The following ASH1L variants were observed in gnomAD, a reference collection of about 807,000 sequenced individuals.
ASH1L encodes histone-lysine N-methyltransferase ASH1L.
In ASH1L, 23 loss-of-function variants were observed where a neutral mutation model predicts 269.0. That is an observed-to-expected ratio of 0.09 (90% CI 0.06 to 0.12). The LOEUF is 0.12. Among genes scored for constraint, ASH1L ranks in the 10% least tolerant of loss-of-function variants. The pLI, the probability that ASH1L is intolerant of heterozygous loss-of-function variation, is 1.00. For missense variants in ASH1L, 2,912 were observed against 3,567.8 expected (o/e 0.82, Z 4.68); for synonymous variants, 1,187 against 1,253.5 (o/e 0.95, Z 1.12).
At chr1:155,386,894 C>T (rs900314372) in intron 7 of ASH1L, among the ~76,000 whole-genome samples, 2 of 152,066 alleles carry the variant, frequency 1.3e-5, no homozygotes, top group Non-Finnish European at 2.9e-5. Context: ...TTGGCATCGT[C>T]ATGAAGTCTT....
chr1:155,390,141 C>G lies in ASH1L; in HGVS notation c.6103+5318G>C, dbSNP rs1313518587. ...TATTAGGCCAGGTGTGGTGGCTTAC[C>G]AGTATCCAAAATAAAAAAAGTTGAT... On this transcript the variant is annotated intron_variant, in intron 7 of 27. Coordinates refer to ENST00000392403, the MANE Select transcript of ASH1L (RefSeq NM_018489.3). Among the ~76,000 whole-genome samples, 4 of 151,908 alleles carry G rather than the reference C, an allele frequency of 2.6e-5. No homozygotes were observed. In the East Asian group the frequency reaches 7.7e-4, roughly 29 times the overall value.
intron 12 of ASH1L, among the ~76,000 whole-genome samples, chr1:155,364,085 A>G (rs951809736): frequency 6.6e-6 from 1 of 151,816 alleles, no homozygotes; most frequent in African/African-American, 2.4e-5. Context: ...CTTGAGCCCA[A>G]GAGTTTGAGA....
chr1:155,428,266 C>G (rs1294222786), intron 5 of ASH1L, among the ~76,000 whole-genome samples: 1 of 151,934 alleles, frequency 6.6e-6, no homozygotes, highest in Non-Finnish European at 1.5e-5. Context: ...TGGTGAAACC[C>G]CGTCTCTACT....
chr1:155,345,113 C>T (rs533592780), intron 21 of ASH1L, among the ~76,000 whole-genome samples: 7 of 151,290 alleles, frequency 4.6e-5, no homozygotes, highest in South Asian at 2.1e-4. Context: ...CGCAACACCA[C>T]GCCCAGCTAA....
At chr1:155,381,189 T>C (rs1344743822) in intron 7 of ASH1L, among the ~76,000 whole-genome samples, 2 of 152,198 alleles carry the variant, frequency 1.3e-5, no homozygotes, top group Non-Finnish European at 2.9e-5. Context: ...TGATAAAATG[T>C]CTTTGTTGCT....
At chr1:155,503,461 G>C (rs1571002664) in intron 2 of ASH1L, among the ~76,000 whole-genome samples, 1 of 152,096 alleles carries the variant, frequency 6.6e-6, no homozygotes, top group Non-Finnish European at 1.5e-5. Flanking sequence ...TTAGGACTTG[G>C]CTGTTAAAAA....
Position 155,562,443 on chromosome 1 carries a change from G to GGCAGCA in ASH1L, c.-396_-391dup, listed in dbSNP as rs1182467771. 11 of 1,450,586 alleles carry GGCAGCA rather than the reference G, an allele frequency of 7.6e-6. No individual in the cohort carries two copies. The highest frequency in any genetic ancestry group is 1.0e-5 in the Non-Finnish European group (11 of 1,067,868). 89.9% of individuals were successfully genotyped at this position (1,450,586 alleles called of 1,614,324 possible). ...CGGCGGGAGCGGCGGCGGCGGCGGC[G>GGCAGCA]GCAGCAGCAGAGTGGCGGCGGTGGC... On this transcript the variant is annotated 5_prime_UTR_variant, in exon 1 of 28. Coordinates refer to ENST00000392403, the MANE Select transcript of ASH1L (RefSeq NM_018489.3).
chr1:155,436,796 A>G (rs544715634), intron 5 of ASH1L, among the ~76,000 whole-genome samples: 9 of 152,038 alleles, frequency 5.9e-5, no homozygotes, highest in Non-Finnish European at 1.3e-4. Context: ...CGCCTGGCCA[A>G]GAGTTTCTGG....
chr1:155,495,547 A>G (rs1667089407), intron 2 of ASH1L, among the ~76,000 whole-genome samples: 1 of 152,222 alleles, frequency 6.6e-6, no homozygotes, highest in African/African-American at 2.4e-5. Context: ...GGTACTTATC[A>G]TGAATGGAGC....
In ASH1L at chr1:155,521,101, C is replaced by A. The variant is rs368390442; in HGVS notation, c.419G>T (p.Arg140Leu). The A allele has an allele frequency of 1.3e-6, 2 of 1,584,518 alleles. No homozygotes were observed. The highest frequency in any genetic ancestry group is 1.7e-6 in the Non-Finnish European group (2 of 1,169,058). ...DEKNEHCPSK[R>L]DPSKLYKKAD... ...CATATTGTTAGGAATTCTACTTACT[C>A]GTTTTGAAGGACAGTGTTCATTCTT... Residue 140 changes from arginine to leucine, a missense_variant and splice_region_variant, in exon 2 of 28, where the codon CGA becomes CTA. Physicochemically the swap from Arg to Leu is moderately radical, Grantham distance 102. This residue lies in a region of ASH1L where 277 missense variants were observed against 367.7 expected (regional missense o/e 0.75). Transcript: ENST00000392403.
chr1:155,556,902 G>C (rs554173222), intron 1 of ASH1L, among the ~76,000 whole-genome samples: 42 of 152,266 alleles, frequency 2.8e-4, no homozygotes, highest in South Asian at 2.1e-4. Context: ...TTAGCCAGGC[G>C]TGGTGGCATG....
intron 1 of ASH1L, among the ~76,000 whole-genome samples, chr1:155,547,816 C>A (rs1031489782): frequency 2.6e-5 from 4 of 151,748 alleles, no homozygotes; most frequent in African/African-American, 7.3e-5. Flanking sequence ...ACTAAAAATA[C>A]AAAAAAATTA....
intron 7 of ASH1L, among the ~76,000 whole-genome samples, chr1:155,394,828 T>G (rs1658216799): frequency 6.6e-6 from 1 of 152,202 alleles, no homozygotes; most frequent in Admixed American, 6.5e-5. Context: ...TATGTGTGTA[T>G]AAATCATCTA....
chr1:155,532,167 T>C (rs1356475360), intron 1 of ASH1L, among the ~76,000 whole-genome samples: 1 of 152,246 alleles, frequency 6.6e-6, no homozygotes, highest in African/African-American at 2.4e-5. Context: ...TTGGGATTTA[T>C]GTTTTCAAAT....
chr1:155,383,578 T>C (rs368129983), intron 7 of ASH1L, among the ~76,000 whole-genome samples: 1 of 152,272 alleles, frequency 6.6e-6, no homozygotes, highest in Non-Finnish European at 1.5e-5. Flanking sequence ...ATATTCTGTT[T>C]GCATAATTAT....
rs76885535 is a variant in ASH1L, at chr1:155,384,278, C to T, written c.6104-4162G>A. Among the ~76,000 whole-genome samples the T allele has an allele frequency of 3.6e-4, 55 of 152,106 alleles. 4 individuals are homozygous for T. In the East Asian group the frequency reaches 0.01, roughly 28 times the overall value. ...TTAGTTTTCCTTAATCTAAGAATGC[C>T]TTCATTTCTTCTTAATTCCTGACAG... On this transcript the variant is annotated intron_variant, in intron 7 of 27. Coordinates refer to ENST00000392403, the MANE Select transcript of ASH1L (RefSeq NM_018489.3).
In ASH1L at chr1:155,380,074, T is replaced by C. The variant is rs1385335720; in HGVS notation, c.6146A>G (p.Tyr2049Cys). ...GTGTTTCCACTGCCAAAGGATATCA[T>C]AAGGAAGCTGGAAGTCAATTCTCTT... ...RQKRIDFQLP[Y>C]DILWQWKHNQ... is the part of the protein sequence containing the mutation. The change falls in exon 8 of 28, where the codon TAT (tyrosine) becomes TGT (cysteine). Residue 2049 changes from tyrosine to cysteine, a missense_variant. This residue lies in a region of ASH1L where 193 missense variants were observed against 311.6 expected (regional missense o/e 0.62). Transcript: ENST00000392403. 1 of 1,613,318 alleles carries C rather than the reference T, an allele frequency of 6.2e-7. No individual in the cohort carries two copies. The highest frequency in any genetic ancestry group is 8.5e-7 in the Non-Finnish European group (1 of 1,179,534).
At chr1:155,375,003 G>A (rs1315613740) in intron 10 of ASH1L, among the ~76,000 whole-genome samples, 1 of 151,884 alleles carries the variant, frequency 6.6e-6, no homozygotes, top group Non-Finnish European at 1.5e-5. Flanking sequence ...TTGTAGAGGT[G>A]GGGTTTTGCC....
intron 2 of ASH1L, among the ~76,000 whole-genome samples, chr1:155,487,182 AC>A (rs1247395557): frequency 1.3e-5 from 2 of 152,170 alleles, no homozygotes; most frequent in Admixed American, 1.3e-4. Context: ...AAACAAACAT[AC>A]AAAAAGCCTC....
Sources: gnomAD v4.1 joint callset for allele counts (sites outside exome capture counted in the v4.1 genomes callset) on GRCh38, gnomAD v4.1.1 for gene constraint, gnomAD v4.1.1 regional missense constraint, MANE v1.5 for transcripts, NCBI Gene and HGNC (gene_info 2026-07-23, HGNC 2026-07-21) for gene names.